KIAA1614: variants seen among roughly 807,000 people sequenced by gnomAD.
KIAA1614 encodes the protein KIAA1614.
KIAA1614 carries 76 observed loss-of-function variants against 88.7 expected under a neutral mutation model. The ratio of observed to expected loss-of-function variants is 0.86; its 90% CI spans 0.71 to 1.04. KIAA1614 has a LOEUF of 1.04. Ranked by LOEUF, KIAA1614 falls within the 50% of genes least tolerant of loss-of-function variation. The pLI is 0.00. For synonymous variants in KIAA1614, 714 were observed against 675.5 expected, an observed-to-expected ratio of 1.06 and a Z score of -0.88; for missense variants, 1,553 against 1,582.5, an observed-to-expected ratio of 0.98 and a Z score of 0.32.
rs1344785024 is a variant in KIAA1614 at position 180,938,617 on chromosome 1, C to T, written c.2824C>T (p.Leu942Phe). ...VATINSTGIT[L>F]SLSSEESESS... ...CACCATCAACTCCACGGGCATCACC[C>T]TCTCCCTGTCCTCAGAGGAGTCAGA... The change falls in exon 6 of 9, where the codon CTC becomes TTC. Residue 942 changes from leucine to phenylalanine, a missense_variant. Coordinates refer to ENST00000367588, the MANE Select transcript of KIAA1614 (RefSeq NM_020950.2). The T allele has an allele frequency of 6.2e-7, 1 of 1,614,152 alleles. No individual in the cohort carries two copies. Among genetic ancestry groups the T allele is most frequent in the South Asian group, 1.1e-5 (1 of 91,078 alleles).
Position 180,950,157 on chromosome 1 carries a change from T to G in KIAA1614, c.*4569T>G. On this transcript the variant is annotated 3_prime_UTR_variant, in exon 9 of 9. Transcript: ENST00000367588. ...GCACTGTATCTATGTCTAAAGCCAG[T>G]TGTGGTTGTGAGATGGAATAATGAG... The G allele has an allele frequency of 1.0e-5, 2 of 195,174 alleles. No individual in the cohort carries two copies. Among genetic ancestry groups the G allele is most frequent in the Non-Finnish European group, 2.1e-5 (2 of 95,446 alleles). 12.1% of individuals were successfully genotyped at this position (195,174 alleles called of 1,614,324 possible).
chr1:180,927,783 T>C (rs77188104), intron 3 of KIAA1614, among the ~76,000 whole-genome samples: 67 of 152,242 alleles, frequency 4.4e-4, no homozygotes, highest in African/African-American at 1.5e-3. Context: ...GCTGGCTTGG[T>C]TTGGGTCCAG....
chr1:180,936,947 C>A (rs781328571), intron 5 of KIAA1614, among the ~76,000 whole-genome samples: 1 of 152,192 alleles, frequency 6.6e-6, no homozygotes, highest in South Asian at 2.1e-4. Flanking sequence ...GTGGTGGAGA[C>A]GTCCTCTTCC....
chr1:180,938,717 T>C lies in KIAA1614; in HGVS notation c.2918+6T>C. The C allele has an allele frequency of 6.2e-7, 1 of 1,612,736 alleles. No homozygotes were observed. ...GGAGGACATGTGCTGTCAAGGTGAG[T>C]GACAGGAGAAAGAGCCAGATTGCAG... On this transcript the variant is annotated splice_donor_region_variant and intron_variant, in intron 6 of 8. Transcript: ENST00000367588.
At chr1:180,927,131 G>A (rs1412761711) in intron 3 of KIAA1614, among the ~76,000 whole-genome samples, 2 of 152,146 alleles carry the variant, frequency 1.3e-5, no homozygotes, top group African/African-American at 4.8e-5. Flanking sequence ...CCTCAGAGCT[G>A]TGCCATTTCC....
intron 3 of KIAA1614, among the ~76,000 whole-genome samples, chr1:180,921,953 G>A (rs1571285986): frequency 6.6e-6 from 1 of 152,312 alleles, no homozygotes; most frequent in African/African-American, 2.4e-5. Flanking sequence ...TTAGGATCCC[G>A]GTAACCTAGC....
In KIAA1614 at chr1:180,950,294, C is replaced by A. The variant is rs1654703018; in HGVS notation, c.*4706C>A. ...TGGTCAGCATTCCAGAGATGCACTT[C>A]TTCGATTTGGGTGTCATTGTGAAAT... On this transcript the variant is annotated 3_prime_UTR_variant, in exon 9 of 9. Coordinates refer to ENST00000367588, the MANE Select transcript of KIAA1614 (RefSeq NM_020950.2). The A allele has an allele frequency of 5.7e-5, 65 of 1,130,956 alleles. No homozygotes were observed. The highest frequency in any genetic ancestry group is 7.1e-5 in the Non-Finnish European group (64 of 903,380). 70.1% of individuals were successfully genotyped at this position (1,130,956 alleles called of 1,614,324 possible).
rs1438464535 is a variant in KIAA1614, at chr1:180,935,385, C to G, written c.1476C>G (p.Pro492=). The change falls in exon 5 of 9, where the codon CCC becomes CCG. Residue 492 remains proline, a synonymous_variant. Transcript: ENST00000367588. This position sits in a 1 kb window ranked among gnomAD's most constrained non-coding sequence, Gnocchi z 6.1. The stretch of plus-strand genomic sequence containing the variant: ...ACCAGGGCCCCCTGCGCTCCAAGCC[C>G]GACCTCGCCGACTACATCAACGGGG... ...AADQGPLRSK[P]DLADYINGAP... is the part of the protein sequence containing the mutation. 33 of 1,468,184 alleles carry G rather than the reference C, an allele frequency of 2.2e-5. No individual in the cohort carries two copies. The highest frequency in any genetic ancestry group is 2.8e-5 in the Non-Finnish European group (31 of 1,116,464). The allele number at this position is 1,468,184 out of a possible 1,614,324, so 90.9% of individuals were successfully genotyped here.
intron 3 of KIAA1614, among the ~76,000 whole-genome samples, chr1:180,918,147 C>T (rs1006830148): frequency 5.9e-5 from 9 of 152,168 alleles, no homozygotes; most frequent in African/African-American, 2.2e-4. Context: ...CACCAGGGAA[C>T]AAAGCGCATT....
chr1:180,917,865 G>T lies in KIAA1614; in HGVS notation c.1012G>T (p.Asp338Tyr), dbSNP rs2102255142. 1.9e-6 allele frequency: 3 copies of T among 1,613,982 alleles called. No individual in the cohort carries two copies. The highest frequency in any genetic ancestry group is 2.2e-5 in the East Asian group (1 of 44,870). ...CTGGATCCTAGAGCGACCAGTGGGGGATGTGGACTGGGCCTCGGGCACCTC... is the reference window on the plus strand; with the variant it reads ...CTGGATCCTAGAGCGACCAGTGGGGTATGTGGACTGGGCCTCGGGCACCTC... ...DTAAPERPVG[D>Y]VDWASGTSLQ... The change falls in exon 3 of 9, where the codon GAT becomes TAT. Residue 338 changes from aspartate (D) to tyrosine (Y), a missense_variant. Transcript: ENST00000367588.
At chr1:180,932,952 G>A (rs1237252133) in intron 4 of KIAA1614, among the ~76,000 whole-genome samples, 1 of 152,132 alleles carries the variant, frequency 6.6e-6, no homozygotes. Context: ...TGTTGCCCAG[G>A]CTGGTCTTCA....
At chr1:180,925,780 C>G (rs1654054794) in intron 3 of KIAA1614, among the ~76,000 whole-genome samples, 2 of 152,222 alleles carry the variant, frequency 1.3e-5, no homozygotes, top group South Asian at 4.1e-4. Context: ...CCAGCATACT[C>G]TAGTGGAACT....
chr1:180,916,668 G>A lies in KIAA1614; in HGVS notation c.565G>A (p.Glu189Lys), dbSNP rs756241211. 1 of 1,602,288 alleles carries A rather than the reference G, an allele frequency of 6.2e-7. No homozygotes were observed. Among genetic ancestry groups the A allele is most frequent in the Non-Finnish European group, 8.5e-7 (1 of 1,172,830 alleles). The change falls in exon 2 of 9, where the codon GAA becomes AAA. Residue 189 changes from glutamate (E) to lysine (K), a missense_variant. Coordinates refer to ENST00000367588, the MANE Select transcript of KIAA1614 (RefSeq NM_020950.2). ...YCNRGSPWPP[E>K]AEWTLPDHDR... is the part of the protein sequence containing the mutation. ...CAACAGGGGGAGCCCGTGGCCTCCA[G>A]AAGCCGAATGGACACTTCCTGACCA...
rs544351946 is a variant in KIAA1614, at chr1:180,943,759, G to A, written c.3160-630G>A. On this transcript the variant is annotated intron_variant, in intron 7 of 8. Transcript: ENST00000367588. ...GACAGGGTTTCACCATGTTGGCCAG[G>A]CTGGTCTTGAACTCCTGACCTCAGG... is the stretch of plus-strand genomic sequence containing the variant. Among the ~76,000 whole-genome samples, 3 of 151,738 alleles carry A rather than the reference G, an allele frequency of 2.0e-5. No individual in the cohort carries two copies. In the South Asian group the frequency reaches 6.3e-4, roughly 32 times the overall value.
At position 180,935,499 on chromosome 1, in the gene KIAA1614, G is replaced by A; in HGVS notation, c.1590G>A (p.Pro530=). 6.6e-7 allele frequency: 1 copy of A among 1,506,944 alleles called. No homozygotes were observed. 93.3% of individuals were successfully genotyped at this position (1,506,944 alleles called of 1,614,324 possible). Residue 530 remains proline, a synonymous_variant, in exon 5 of 9, where the codon CCG becomes CCA. Transcript: ENST00000367588. This position sits in a 1 kb window ranked among gnomAD's most constrained non-coding sequence, Gnocchi z 6.1. ...GGGGACACCCGGCACCGCCGGCACC[G>A]GGCAGCGAGAGGAGGTGCCAGGCCT... ...DRRGHPAPPA[P]GSERRCQACG...
intron 3 of KIAA1614, among the ~76,000 whole-genome samples, chr1:180,919,521 G>A (rs932871041): frequency 1.3e-5 from 2 of 152,140 alleles, no homozygotes; most frequent in Non-Finnish European, 2.9e-5. Flanking sequence ...GGAGAGGGCT[G>A]GGGCAGATGC....
In KIAA1614 at chr1:180,943,550, C is replaced by CTTTTTTTT. The variant is rs60128001; in HGVS notation, c.3160-830_3160-823dup. Among the ~76,000 whole-genome samples the CTTTTTTTT allele has an allele frequency of 7.1e-5, 7 of 98,184 alleles. 1 individual carries two copies. Among genetic ancestry groups the CTTTTTTTT allele is most frequent in the Admixed American group, 2.4e-4 (2 of 8,242 alleles). 64.4% of individuals were successfully genotyped at this position (98,184 alleles called of 152,430 possible). A position where few individuals can be genotyped will look rare whatever the true frequency, so the allele number is the denominator to read the frequency against. On this transcript the variant is annotated intron_variant, in intron 7 of 8. Transcript: ENST00000367588. ...ATTGTAGGATTGAATGGTAGTAGAT[C>CTTTTTTTT]TTTTTTTTTTTTTTTTGAGACAGGG...
chr1:180,924,657 A>G (rs1350261396), intron 3 of KIAA1614, among the ~76,000 whole-genome samples: 1 of 152,048 alleles, frequency 6.6e-6, no homozygotes, highest in Non-Finnish European at 1.5e-5. Context: ...TTTCTATCCT[A>G]TGGAAGCCAC....
chr1:180,945,626 C>T lies in KIAA1614; in HGVS notation c.*38C>T. On this transcript the variant is annotated 3_prime_UTR_variant, in exon 9 of 9. Transcript: ENST00000367588. ...TGGGAATTCAGAAAGCCTCTGACTA[C>T]AGGACTAGGCTTCTCCCCTCAGGGG... 1 of 1,549,784 alleles carries T rather than the reference C, an allele frequency of 6.5e-7. No homozygotes were observed. Among genetic ancestry groups the T allele is most frequent in the Non-Finnish European group, 8.7e-7 (1 of 1,155,860 alleles).
Sources: gnomAD v4.1 joint callset for allele counts (sites outside exome capture counted in the v4.1 genomes callset) on GRCh38, gnomAD v4.1.1 for gene constraint, Gnocchi (gnomAD v3.1) non-coding constraint, MANE v1.5 for transcripts, NCBI Gene and HGNC (gene_info 2026-07-23, HGNC 2026-07-21) for gene names.